Variants in MOK observed in about 807,000 individuals in gnomAD.
MOK encodes the protein MOK protein kinase.
A neutral mutation model predicts 54.2 loss-of-function variants in MOK; 59 were observed. That is an observed-to-expected ratio of 1.09 (90% CI 0.88 to 1.35). The LOEUF is 1.35. Ranked by LOEUF, MOK falls within the 40% of genes most tolerant of loss-of-function variation. MOK has a pLI of 0.00. For missense variants in MOK, 517 were observed against 526.2 expected (o/e 0.98, Z 0.17); for synonymous variants, 210 against 202.7 (o/e 1.04, Z -0.31).
At chr14:102,289,762 C>G (rs1019445686) in intron 1 of MOK, among the ~76,000 whole-genome samples, 3 of 152,198 alleles carry the variant, frequency 2.0e-5, no homozygotes, top group African/African-American at 7.2e-5. Flanking sequence ...CCGCCTCACC[C>G]TCCCAAAGTG....
At chr14:102,284,328 C>T (rs1311422118) in intron 1 of MOK, among the ~76,000 whole-genome samples, 1 of 151,996 alleles carries the variant, frequency 6.6e-6, no homozygotes, top group Admixed American at 6.6e-5. Flanking sequence ...GATGAAATAT[C>T]GCCCACTTAA....
chr14:102,229,583 T>C lies in MOK; in HGVS notation c.1056A>G (p.Leu352=). ...GPAYVMELPK[L]KLSGVVRLSS... ...ACAGTCTGACCACTCCCGAAAGCTT[T>C]AGTTTGGGCAGTTCCATGACATAGG... Residue 352 remains leucine (L), a synonymous_variant, in exon 11 of 12, where the codon CTA becomes CTG. Coordinates refer to ENST00000361847, the MANE Select transcript of MOK (RefSeq NM_014226.3). The C allele has an allele frequency of 6.2e-7, 1 of 1,614,214 alleles. No individual in the cohort carries two copies. The highest frequency in any genetic ancestry group is 1.1e-5 in the South Asian group (1 of 91,084).
the MOK span, among the ~76,000 whole-genome samples, chr14:102,216,026 T>C: frequency 2.6e-5 from 4 of 152,114 alleles, no homozygotes; most frequent in African/African-American, 4.8e-5. Flanking sequence ...TCATGAGACA[T>C]CCAGGTCCCA....
chr14:102,281,836 T>C (rs768832323), intron 2 of MOK, among the ~76,000 whole-genome samples: 2 of 152,018 alleles, frequency 1.3e-5, no homozygotes, highest in Non-Finnish European at 1.5e-5. Context: ...CGGGGAAAGA[T>C]AAAGAAACAC....
chr14:102,232,593 G>T lies in MOK; in HGVS notation c.808C>A (p.Pro270Thr), dbSNP rs770532539. 2 of 1,613,942 alleles carry T rather than the reference G, an allele frequency of 1.2e-6. No individual in the cohort carries two copies. The highest frequency in any genetic ancestry group is 2.7e-5 in the African/African-American group (2 of 74,906). ...SLLHAMVAYD[P>T]DERIAAHQAL... ...TGGTGGGCGGCGATTCTCTCATCGG[G>T]ATCATAGGCCACCATTGCGTGCAGG... Residue 270 changes from proline (P) to threonine (T), a missense_variant, in exon 9 of 12, where the codon CCC (proline) becomes ACC (threonine). Coordinates refer to ENST00000361847, the MANE Select transcript of MOK (RefSeq NM_014226.3). The surrounding 1 kb of genome is among the most constrained non-coding windows in gnomAD (Gnocchi z 5.1).
At chr14:102,274,209 G>T (rs910872180) in intron 2 of MOK, among the ~76,000 whole-genome samples, 1 of 150,478 alleles carries the variant, frequency 6.6e-6, no homozygotes, top group African/African-American at 2.4e-5. Flanking sequence ...TGCCCGCCTC[G>T]GCCTCCCAAA....
At chr14:102,254,024 G>A (rs1443624360) in intron 4 of MOK, among the ~76,000 whole-genome samples, 2 of 150,614 alleles carry the variant, frequency 1.3e-5, no homozygotes, top group South Asian at 2.1e-4. Context: ...TAGCACTGTC[G>A]CCCAGGCTGG....
intron 4 of MOK, among the ~76,000 whole-genome samples, chr14:102,252,384 G>A (rs1003702631): frequency 3.3e-5 from 5 of 152,024 alleles, no homozygotes. Context: ...GAACCCAGGA[G>A]GTGGAGGTTG....
At chr14:102,217,082 T>A in the MOK span, among the ~76,000 whole-genome samples, 1 of 152,048 alleles carries the variant, frequency 6.6e-6, no homozygotes, top group East Asian at 1.9e-4. Context: ...AAAACCAGCC[T>A]CCCCTTTTAG....
chr14:102,234,222 C>A, intron 7 of MOK: 1 of 172,376 alleles, frequency 5.8e-6, no homozygotes, highest in Non-Finnish European at 1.3e-5. Context: ...GACTCGCTCA[C>A]TATCAATCTC....
At chr14:102,218,961 C>T in the MOK span, among the ~76,000 whole-genome samples, 1 of 152,226 alleles carries the variant, frequency 6.6e-6, no homozygotes, top group Admixed American at 6.5e-5. Context: ...TGCCCCTTTT[C>T]TCCCATGAAA....
intron 1 of MOK, among the ~76,000 whole-genome samples, chr14:102,294,372 G>C (rs2071185893): frequency 6.6e-6 from 1 of 151,776 alleles, no homozygotes; most frequent in African/African-American, 2.4e-5. Context: ...CATGAACCCG[G>C]GAGGCGGAGC....
chr14:102,277,923 T>C (rs573248003), intron 2 of MOK, among the ~76,000 whole-genome samples: 1 of 152,290 alleles, frequency 6.6e-6, no homozygotes, highest in African/African-American at 2.4e-5. Flanking sequence ...CTAAAATTCA[T>C]ACGTTGAAAC....
At chr14:102,277,443 C>A (rs2068979873) in intron 2 of MOK, 1 of 152,058 alleles carries the variant, frequency 6.6e-6, no homozygotes, top group Non-Finnish European at 1.5e-5. Flanking sequence ...TCCAGTGAAA[C>A]CCCGTCACTA....
At chr14:102,281,340 T>C (rs1233652956) in intron 2 of MOK, among the ~76,000 whole-genome samples, 1 of 149,270 alleles carries the variant, frequency 6.7e-6, no homozygotes, top group African/African-American at 2.5e-5. Flanking sequence ...AAAAAAAAAT[T>C]ACAAAAATTA....
At chr14:102,294,247 C>T (rs1471936439) in intron 1 of MOK, among the ~76,000 whole-genome samples, 3 of 152,034 alleles carry the variant, frequency 2.0e-5, no homozygotes, top group African/African-American at 4.8e-5. Context: ...GAGATCAACA[C>T]CATCCTGGCT....
chr14:102,258,224 G>C (rs750136671), intron 4 of MOK, among the ~76,000 whole-genome samples: 10 of 152,116 alleles, frequency 6.6e-5, no homozygotes, highest in Non-Finnish European at 1.3e-4. Context: ...ATTGAACTTA[G>C]AGTAACGAAA....
intron 7 of MOK, among the ~76,000 whole-genome samples, chr14:102,242,641 AT>A (rs1197859909): frequency 6.6e-6 from 1 of 152,174 alleles, no homozygotes; most frequent in African/African-American, 2.4e-5. Flanking sequence ...AAAGCCTGTT[AT>A]CACTCACCTG....
Position 102,231,617 on chromosome 14 carries a change from G to A in MOK, c.981+90C>T. The A allele has an allele frequency of 1.8e-6, 2 of 1,107,286 alleles. No individual in the cohort carries two copies. The highest frequency in any genetic ancestry group is 2.4e-5 in the East Asian group (1 of 41,874). 68.6% of individuals were successfully genotyped at this position (1,107,286 alleles called of 1,614,324 possible). ...ATGTGGTCTGCCACAGCCTCCACAG[G>A]TGGCGTCCTCCTGAGAGAGACACAG... On this transcript the variant is annotated intron_variant, in intron 10 of 11. Transcript: ENST00000361847. This position sits in a 1 kb window ranked among gnomAD's most constrained non-coding sequence, Gnocchi z 4.4.
Sources: allele counts gnomAD v4.1 joint callset (sites outside exome capture counted in the v4.1 genomes callset), GRCh38; gene constraint gnomAD v4.1.1; non-coding constraint Gnocchi (gnomAD v3.1); transcripts MANE v1.5; gene names NCBI Gene and HGNC (gene_info 2026-07-23, HGNC 2026-07-21).